IL3RA: variants seen among roughly 807,000 people sequenced by gnomAD.
IL3RA encodes interleukin 3 receptor subunit alpha.
Under a neutral mutation model 52.3 loss-of-function variants are expected in IL3RA, and 73 were observed. That is an observed-to-expected ratio of 1.40 (90% confidence interval 1.16 to 1.70). IL3RA has a LOEUF of 1.70. Among genes scored for constraint, IL3RA ranks in the 40% most tolerant of loss-of-function variants. The probability of loss-of-function intolerance (pLI) is 0.00; values close to 1 mark genes in which losing one functional copy is unlikely to be tolerated. For missense variants in IL3RA, 664 were observed against 504.4 expected (o/e 1.32, Z -3.03); for synonymous variants, 260 against 194.0 (o/e 1.34, Z -2.83).
Position 1,382,650 on chromosome X carries a change from GT to G in IL3RA, c.*188del, listed in dbSNP as rs2149234530. ...CAGGAAGAAGAACAGAACTTTGTGT[GT>G]TTATTTCATGATAAAGTGATTTTTT... is the stretch of plus-strand genomic sequence containing the variant. On this transcript the variant is annotated 3_prime_UTR_variant, in exon 12 of 12. Coordinates refer to ENST00000331035, the MANE Select transcript of IL3RA (RefSeq NM_002183.4). The G allele has an allele frequency of 1.6e-6, 1 of 614,256 alleles. No homozygotes were observed. Among genetic ancestry groups the G allele is most frequent in the South Asian group, 2.0e-5 (1 of 50,658 alleles). The allele number at this position is 614,256 out of a possible 1,614,324, so 38.1% of individuals were successfully genotyped here. A position where few individuals can be genotyped will look rare whatever the true frequency, so the allele number is the denominator to read the frequency against.
intron 9 of IL3RA, among the ~76,000 whole-genome samples, chrX:1,367,634 G>A (rs2088221974): frequency 9.2e-6 from 1 of 109,264 alleles, no homozygotes; most frequent in Non-Finnish European, 1.8e-5. Flanking sequence ...TGAGCGGGGT[G>A]CGCCGGGTGA....
chrX:1,368,747 G>C lies in IL3RA; in HGVS notation c.874+3495G>C, dbSNP rs750739818. Among the ~76,000 whole-genome samples, 4 of 147,944 alleles carry C rather than the reference G, an allele frequency of 2.7e-5. No homozygotes were observed. The South Asian group carries it at 9.1e-4, about 34-fold the overall frequency. On this transcript the variant is annotated intron_variant, in intron 9 of 11. Coordinates refer to ENST00000331035, the MANE Select transcript of IL3RA (RefSeq NM_002183.4). ...CGGCGTCTCCAAGCCCAGGAGAGGG[G>C]CCTCAGGAGGAACCAGCACTGCCCA...
In IL3RA at chrX:1,345,401, C is replaced by T. The variant is rs751664291; in HGVS notation, c.150C>T (p.Ile50=). Residue 50 remains isoleucine (I), a synonymous_variant, in exon 3 of 12, where the codon ATC becomes ATT. Transcript: ENST00000331035. ...TWDLNRNVTD[I]ECVKDADYSM... ...ACCTTAACAGAAATGTGACCGATAT[C>T]GAGTGTGTTAAAGACGCCGACTATT... 5.1e-5 allele frequency: 82 copies of T among 1,609,264 alleles called. No homozygotes were observed. The highest frequency in any genetic ancestry group is 1.6e-4 in the African/African-American group (12 of 74,550).
At position 1,346,307 on chromosome X, in the gene IL3RA, T is replaced by C. The variant is rs1303872809; in HGVS notation, c.183+873T>C. 2.3e-4 allele frequency among the ~76,000 whole-genome samples: 35 copies of C among 151,794 alleles called. 1 individual carries two copies. The highest frequency in any genetic ancestry group is 7.7e-4 in the African/African-American group (32 of 41,294). On this transcript the variant is annotated intron_variant, in intron 3 of 11. Coordinates refer to ENST00000331035, the MANE Select transcript of IL3RA (RefSeq NM_002183.4). ...TATAAAAATTAGCTGGGCATGGTGG[T>C]GGGCGCCTGTAATCCCAGTTACTTG... is the stretch of plus-strand genomic sequence containing the variant.
chrX:1,363,911 G>A (rs1271706988), intron 8 of IL3RA, among the ~76,000 whole-genome samples: 5 of 151,922 alleles, frequency 3.3e-5, no homozygotes, highest in Non-Finnish European at 7.4e-5. Flanking sequence ...GGCTGGGCGC[G>A]GTGGCTCACG....
intron 3 of IL3RA, among the ~76,000 whole-genome samples, chrX:1,346,005 G>A (rs1276406805): frequency 6.6e-6 from 1 of 151,976 alleles, no homozygotes; most frequent in East Asian, 1.9e-4. Context: ...ATGAGGCTAA[G>A]CTATGACTGG....
intron 4 of IL3RA, among the ~76,000 whole-genome samples, 185 bp downstream of exon 4, chrX:1,348,730 TTTTC>T (rs1219402599): frequency 3.3e-4 from 21 of 64,144 alleles, no homozygotes; most frequent in East Asian, 1.9e-3. Context: ...CTTCCTTTCT[TTTTC>T]TTTCTTTCTT....
At chrX:1,370,806 C>T (rs1361879516) in intron 9 of IL3RA, among the ~76,000 whole-genome samples, 1 of 80,588 alleles carries the variant, frequency 1.2e-5, no homozygotes, top group Non-Finnish European at 2.3e-5. Flanking sequence ...CCTGTGAGGA[C>T]ACAGGGAGAA....
chrX:1,360,270 C>A (rs867668949), intron 8 of IL3RA, among the ~76,000 whole-genome samples: 2 of 29,146 alleles, frequency 6.9e-5, no homozygotes, highest in Admixed American at 3.3e-4. Context: ...CCATCTTTCT[C>A]TCTCTCTCCT....
chrX:1,348,588 C>G (rs748623889), intron 4 of IL3RA, 43 bp downstream of exon 4: 10 of 1,356,682 alleles, frequency 7.4e-6, no homozygotes, highest in Non-Finnish European at 1.1e-5. Context: ...TATTCCCTCC[C>G]TCCTTCCCTC....
intron 6 of IL3RA, among the ~76,000 whole-genome samples, chrX:1,355,715 T>C (rs1325395861): frequency 1.3e-5 from 2 of 151,692 alleles, no homozygotes; most frequent in African/African-American, 4.8e-5. Flanking sequence ...CAGGAGGATG[T>C]GTGCAGGTCA....
intron 8 of IL3RA, among the ~76,000 whole-genome samples, chrX:1,360,922 CCTCTCTGTCTCTCTCTCCCTTCCCCT>C (rs2087239335): frequency 1.7e-5 from 2 of 119,634 alleles, no homozygotes; most frequent in Admixed American, 7.9e-5. Context: ...TCTCCCTTCC[CCTCTCTGTCTCTCTCTCCCTTCCCCT>C]CTGTCTCTCT....
chrX:1,356,546 G>A (rs1444258556), intron 7 of IL3RA, among the ~76,000 whole-genome samples: 1 of 152,120 alleles, frequency 6.6e-6, no homozygotes, highest in Non-Finnish European at 1.5e-5. Context: ...GAGGCAGGTG[G>A]ATCACAAGGT....
chrX:1,349,483 A>G lies in IL3RA; in HGVS notation c.298+938A>G, dbSNP rs564929621. Among the ~76,000 whole-genome samples the G allele has an allele frequency of 2.8e-3, 428 of 151,568 alleles. 1 individual carries two copies. Among genetic ancestry groups the G allele is most frequent in the South Asian group, 4.8e-3 (23 of 4,772 alleles). On this transcript the variant is annotated intron_variant, in intron 4 of 11. Coordinates refer to ENST00000331035, the MANE Select transcript of IL3RA (RefSeq NM_002183.4). ...GGGTGAGCCACCGCGCCCAGCCTTA[A>G]ATACTTTTTGTAGAGATGGGGTGTC...
Position 1,345,413 on chromosome X carries a change from AG to A in IL3RA, c.163del (p.Asp55ThrfsTer9). On this transcript the variant is annotated frameshift_variant, in exon 3 of 12. Transcript: ENST00000331035. LOFTEE classifies it high-confidence loss of function. Reference sequence around the variant, plus strand: ...ATGTGACCGATATCGAGTGTGTTAAAGACGCCGACTATTCTATGCCGGTAAA... The same window carrying A: ...ATGTGACCGATATCGAGTGTGTTAAAACGCCGACTATTCTATGCCGGTAAA... ...RNVTDIECVKDADYSMPAVNN... is the reference protein window; with the variant it reads ...RNVTDIECVKXADYSMPAVNN... 1 of 1,604,312 alleles carries A rather than the reference AG, an allele frequency of 6.2e-7. No homozygotes were observed. Among genetic ancestry groups the A allele is most frequent in the Non-Finnish European group, 8.5e-7 (1 of 1,173,312 alleles).
intron 1 of IL3RA, among the ~76,000 whole-genome samples, chrX:1,339,036 T>C (rs2085395498): frequency 6.6e-6 from 1 of 152,016 alleles, no homozygotes; most frequent in Non-Finnish European, 1.5e-5. Context: ...TTAGTATGTT[T>C]TGTATGTTGG....
At position 1,345,432 on chromosome X, in the gene IL3RA, C is replaced by T. The variant is rs761694026; in HGVS notation, c.181C>T (p.Pro61Ser). ...TGTTAAAGACGCCGACTATTCTATG[C>T]CGGTAAATCATACTCTCTATTGTTT... Reference protein sequence around the residue: ...ECVKDADYSMPAVNNSYCQFG... With the variant: ...ECVKDADYSMSAVNNSYCQFG... Residue 61 changes from proline to serine, a missense_variant and splice_region_variant, in exon 3 of 12, where the codon CCG becomes TCG. Transcript: ENST00000331035. 1.3e-6 allele frequency: 2 copies of T among 1,558,788 alleles called. No individual in the cohort carries two copies. The highest frequency in any genetic ancestry group is 2.3e-5 in the South Asian group (2 of 86,228).
intron 7 of IL3RA, among the ~76,000 whole-genome samples, chrX:1,357,526 A>AT (rs1161534599): frequency 7.4e-5 from 11 of 149,032 alleles, no homozygotes; most frequent in East Asian, 4.1e-4. Flanking sequence ...TGCCTGGCTA[A>AT]TTTTTTTTTG....
In IL3RA at chrX:1,349,388, G is replaced by T. The variant is rs764397746; in HGVS notation, c.298+843G>T. 9.7e-4 allele frequency among the ~76,000 whole-genome samples: 148 copies of T among 151,976 alleles called. 1 individual carries two copies. The highest frequency in any genetic ancestry group is 2.7e-3 in the Admixed American group (41 of 15,202). Reference sequence around the variant, plus strand: ...GTAGAGATGGGGTTTCACCATGTTGGTCAGGCTGGTCTCAAACTCCTGACT... The same window carrying T: ...GTAGAGATGGGGTTTCACCATGTTGTTCAGGCTGGTCTCAAACTCCTGACT... On this transcript the variant is annotated intron_variant, in intron 4 of 11. Coordinates refer to ENST00000331035, the MANE Select transcript of IL3RA (RefSeq NM_002183.4).
Sources: allele counts gnomAD v4.1 joint callset (sites outside exome capture counted in the v4.1 genomes callset), GRCh38; gene constraint gnomAD v4.1.1; transcripts MANE v1.5; gene names NCBI Gene and HGNC (gene_info 2026-07-23, HGNC 2026-07-21).